The following DOCK8 variants were observed in gnomAD, a reference collection of about 807,000 sequenced individuals.
DOCK8 encodes dedicator of cytokinesis 8.
In DOCK8, 141 loss-of-function variants were observed where a neutral mutation model predicts 245.6. The ratio of observed to expected loss-of-function variants is 0.57; its 90% CI spans 0.50 to 0.66. The LOEUF is 0.66. Ranked by LOEUF, DOCK8 falls within the 30% of genes least tolerant of loss-of-function variation. The pLI, the probability that DOCK8 is intolerant of heterozygous loss-of-function variation, is 0.00. For missense variants in DOCK8, 2,965 were observed against 2,603.4 expected (o/e 1.14, Z -3.02); for synonymous variants, 1,168 against 970.2 (o/e 1.20, Z -3.79).
At chr9:445,637 C>G (rs1201168012) in intron 43 of DOCK8, among the ~76,000 whole-genome samples, 2 of 152,188 alleles carry the variant, frequency 1.3e-5, no homozygotes, top group Non-Finnish European at 2.9e-5. Context: ...GTCCATGTTG[C>G]AATAGTTCCT....
intron 7 of DOCK8, among the ~76,000 whole-genome samples, chr9:324,016 C>T (rs1012496253): frequency 1.3e-5 from 2 of 152,164 alleles, no homozygotes; most frequent in African/African-American, 4.8e-5. Context: ...ATACGTGATC[C>T]TCACAACAAC....
At chr9:333,410 G>A (rs541527688) in intron 10 of DOCK8, among the ~76,000 whole-genome samples, 13 of 152,230 alleles carry the variant, frequency 8.5e-5, no homozygotes, top group South Asian at 8.3e-4. Flanking sequence ...GACCATCCTG[G>A]CCAACACGGT....
intron 1 of DOCK8, among the ~76,000 whole-genome samples, chr9:230,716 T>C (rs2131371622): frequency 1.3e-5 from 2 of 151,586 alleles, no homozygotes; most frequent in South Asian, 2.1e-4. Context: ...GAAGTGTTTG[T>C]TCATATCCTT....
chr9:448,084 C>G (rs1324510568), intron 44 of DOCK8, among the ~76,000 whole-genome samples: 1 of 151,628 alleles, frequency 6.6e-6, no homozygotes, highest in Non-Finnish European at 1.5e-5. Flanking sequence ...TTTTCTGTGT[C>G]TCTGTCTCTC....
At chr9:276,925 C>T (rs932658474) in intron 2 of DOCK8, 5 of 286,862 alleles carry the variant, frequency 1.7e-5, no homozygotes, top group African/African-American at 2.3e-5. Flanking sequence ...TCTCCTGCCT[C>T]AGCCTCCCAA....
intron 1 of DOCK8, among the ~76,000 whole-genome samples, chr9:233,177 G>A (rs1227978553): frequency 1.3e-5 from 2 of 152,140 alleles, no homozygotes; most frequent in African/African-American, 4.8e-5. Flanking sequence ...TCAGGAGCAG[G>A]TTGTTCAGTT....
At chr9:252,263 G>A (rs993816722) in intron 1 of DOCK8, among the ~76,000 whole-genome samples, 38 of 151,548 alleles carry the variant, frequency 2.5e-4, no homozygotes, top group African/African-American at 8.7e-4. Context: ...GTGAGCCACC[G>A]TGCCCAGCCC....
At chr9:275,680 C>T (rs142156870) in intron 2 of DOCK8, among the ~76,000 whole-genome samples, 2,689 of 151,918 alleles carry the variant, frequency 0.018, 82 homozygotes, top group African/African-American at 0.061. Flanking sequence ...CTCCTGCCTC[C>T]CAGGTCCAAG....
intron 17 of DOCK8, 102 bp from the exon 18 acceptor site, chr9:372,083 C>G (rs1298510404): frequency 9.8e-7 from 1 of 1,015,384 alleles, no homozygotes. Context: ...TGGTCAATAT[C>G]TACTCACTGT....
In DOCK8 at chr9:286,517, C is replaced by A; in HGVS notation, c.213C>A (p.His71Gln). 1.2e-6 allele frequency: 2 copies of A among 1,614,048 alleles called. No individual in the cohort carries two copies. Reference protein sequence around the residue: ...PVDFEGLLMTHLNSLDVQLAQ... With the variant: ...PVDFEGLLMTQLNSLDVQLAQ... ...ACTTTGAAGGACTTCTGATGACACA[C>A]CTGAACAGCCTGGATGTGCAGCTTG... Residue 71 changes from histidine to glutamine, a missense_variant, in exon 3 of 48, where the codon CAC (histidine) becomes CAA (glutamine). His to Gln is a conservative substitution (Grantham distance 24). This residue lies in a region of DOCK8 where 2,825 missense variants were observed against 2,453.5 expected (regional missense o/e 1.15). Transcript: ENST00000432829.
At chr9:379,254 G>C (rs2053640510) in intron 20 of DOCK8, among the ~76,000 whole-genome samples, 1 of 152,218 alleles carries the variant, frequency 6.6e-6, no homozygotes, top group Admixed American at 6.5e-5. Context: ...TGGGCCCACT[G>C]TGGGAATGAC....
chr9:291,735 A>C (rs1167672802), intron 4 of DOCK8, among the ~76,000 whole-genome samples: 1 of 151,696 alleles, frequency 6.6e-6, no homozygotes, highest in Non-Finnish European at 1.5e-5. Flanking sequence ...TCTATGTCAA[A>C]GGATATGCAC....
At chr9:425,433 G>A (rs1337645324) in intron 33 of DOCK8, among the ~76,000 whole-genome samples, 1 of 151,412 alleles carries the variant, frequency 6.6e-6, no homozygotes, top group Non-Finnish European at 1.5e-5. Flanking sequence ...TCGGGAGGCT[G>A]AAGCAGGAGA....
intron 1 of DOCK8, among the ~76,000 whole-genome samples, chr9:226,789 A>G (rs2046998394): frequency 1.3e-5 from 2 of 152,212 alleles, no homozygotes; most frequent in South Asian, 4.1e-4. Flanking sequence ...ATTAGCTACT[A>G]TGCAGTTTTA....
At chr9:445,315 A>G (rs1336426755) in intron 43 of DOCK8, among the ~76,000 whole-genome samples, 5 of 152,126 alleles carry the variant, frequency 3.3e-5, no homozygotes, top group Non-Finnish European at 7.4e-5. Context: ...TTACAACCAG[A>G]TTTCATTATA....
intron 4 of DOCK8, among the ~76,000 whole-genome samples, chr9:292,355 C>T (rs2049077170): frequency 8.1e-6 from 1 of 123,318 alleles, no homozygotes; most frequent in South Asian, 2.7e-4. Flanking sequence ...CCATTGCACT[C>T]CAGCCTGGGC....
intron 8 of DOCK8, 24 bp downstream of exon 8, chr9:325,761 T>A (rs376392082): frequency 6.3e-7 from 1 of 1,587,970 alleles, no homozygotes. Flanking sequence ...GAAAAATCCA[T>A]CCCTAAGGCA....
intron 42 of DOCK8, 131 bp from the exon 43 acceptor site, chr9:443,296 A>G: frequency 2.3e-6 from 2 of 881,994 alleles, no homozygotes; most frequent in Non-Finnish European, 3.7e-6. Context: ...TCATTAGCTC[A>G]GAGGAACTCT....
At chr9:261,873 C>T (rs2047924763) in intron 1 of DOCK8, among the ~76,000 whole-genome samples, 1 of 151,986 alleles carries the variant, frequency 6.6e-6, no homozygotes. Flanking sequence ...TTCTTAAAGT[C>T]CATTTTGTCT....
Sources: allele counts gnomAD v4.1 joint callset (sites outside exome capture counted in the v4.1 genomes callset), GRCh38; gene constraint gnomAD v4.1.1; regional missense constraint gnomAD v4.1.1; transcripts MANE v1.5; gene names NCBI Gene and HGNC (gene_info 2026-07-23, HGNC 2026-07-21).